The following ACTL6A variants were observed in gnomAD, a reference collection of about 807,000 sequenced individuals.
ACTL6A encodes actin-like protein 6A.
In ACTL6A, 5 loss-of-function variants were observed where a neutral mutation model predicts 59.2. The observed-to-expected ratio is 0.08, with a 90% CI of 0.04 to 0.18. The LOEUF (loss-of-function observed/expected upper bound fraction) is 0.18, where lower values mean the gene tolerates loss of function less well. Among genes scored for constraint, ACTL6A ranks in the 10% least tolerant of loss-of-function variants. The pLI, the probability that ACTL6A is intolerant of heterozygous loss-of-function variation, is 1.00. For synonymous variants in ACTL6A, 154 were observed against 171.8 expected (o/e 0.90, Z 0.81); for missense variants, 285 against 526.9 (o/e 0.54, Z 4.49).
intron 1 of ACTL6A, among the ~76,000 whole-genome samples, chr3:179,566,541 T>G (rs1717839117): frequency 2.0e-5 from 3 of 152,208 alleles, no homozygotes; most frequent in Admixed American, 2.0e-4. Context: ...TTCTCACAAT[T>G]CTAGAGGATA....
chr3:179,581,201 G>C lies in ACTL6A; in HGVS notation c.1007G>C (p.Cys336Ser), dbSNP rs1167098912. The change falls in exon 11 of 14, where the codon TGT becomes TCT. Residue 336 changes from cysteine (C) to serine (S), a missense_variant. Physicochemically the swap from Cys to Ser is moderately radical, Grantham distance 112 (BLOSUM62 -1). Transcript: ENST00000429709. ...SHVVTTSVGM[C>S]DIDIRPGLYG... ...GTTGTCACCACAAGTGTTGGGATGT[G>C]TGATATTGACATCAGACCAGTAAGT... The C allele has an allele frequency of 1.2e-6, 2 of 1,613,504 alleles. No individual in the cohort carries two copies. The highest frequency in any genetic ancestry group is 1.7e-5 in the Admixed American group (1 of 60,030).
At chr3:179,566,721 G>T (rs1002358646) in intron 1 of ACTL6A, among the ~76,000 whole-genome samples, 1 of 152,070 alleles carries the variant, frequency 6.6e-6, no homozygotes, top group Non-Finnish European at 1.5e-5. Context: ...ACTGAGACTT[G>T]CTCTGTCACC....
At chr3:179,578,406 A>G (rs1044751237) in intron 8 of ACTL6A, among the ~76,000 whole-genome samples, 1 of 152,168 alleles carries the variant, frequency 6.6e-6, no homozygotes, top group Non-Finnish European at 1.5e-5. Flanking sequence ...GTGAGCCAAC[A>G]CGGTGCCACT....
chr3:179,587,914 T>G lies in ACTL6A; in HGVS notation c.1210-16T>G. 6.3e-7 allele frequency: 1 copy of G among 1,582,914 alleles called. No homozygotes were observed. The highest frequency in any genetic ancestry group is 1.2e-5 in the South Asian group (1 of 84,594). On this transcript the variant is annotated splice_polypyrimidine_tract_variant and intron_variant, in intron 13 of 13. Coordinates refer to ENST00000429709, the MANE Select transcript of ACTL6A (RefSeq NM_004301.5). ...GAAGTAAGGCATAATTATATAAATT[T>G]CTTTCCATTTTACAGGGTACCTTTC...
chr3:179,581,072 A>T, intron 10 of ACTL6A, 64 bp downstream of exon 10: 11 of 1,600,916 alleles, frequency 6.9e-6, no homozygotes, highest in Non-Finnish European at 9.4e-6. Flanking sequence ...TTTTGTGGCT[A>T]AAATGTTTTG....
chr3:179,577,479 AAAAAAAAAAC>A (rs1392232824), intron 8 of ACTL6A, among the ~76,000 whole-genome samples: 1 of 145,962 alleles, frequency 6.9e-6, no homozygotes, highest in African/African-American at 2.6e-5. Flanking sequence ...TTAATTTCTT[AAAAAAAAAAC>A]AAAAAAAAAC....
chr3:179,573,271 A>G (rs895532282), intron 3 of ACTL6A, 98 bp from the exon 4 acceptor site: 1 of 729,634 alleles, frequency 1.4e-6, no homozygotes, highest in Non-Finnish European at 2.2e-6. Context: ...TCTGTATACT[A>G]AAGTATTAAT....
chr3:179,575,414 A>G (rs1249100184), intron 5 of ACTL6A: 4 of 456,676 alleles, frequency 8.8e-6, no homozygotes, highest in Non-Finnish European at 1.3e-5. Flanking sequence ...TTTATTCATC[A>G]TCTACTTCAC....
intron 1 of ACTL6A, among the ~76,000 whole-genome samples, chr3:179,563,745 G>A (rs1219289363): frequency 6.6e-6 from 1 of 152,164 alleles, no homozygotes; most frequent in African/African-American, 2.4e-5. Flanking sequence ...CTCGTGGGCG[G>A]GTCTGTTTGA....
At chr3:179,585,910 G>A (rs1268637131) in intron 12 of ACTL6A, among the ~76,000 whole-genome samples, 1 of 152,200 alleles carries the variant, frequency 6.6e-6, no homozygotes, top group East Asian at 1.9e-4. Flanking sequence ...ATATCTGATG[G>A]TTGTGTTTTT....
intron 12 of ACTL6A, among the ~76,000 whole-genome samples, chr3:179,586,033 A>C (rs1718478341): frequency 1.3e-5 from 2 of 152,166 alleles, no homozygotes; most frequent in Admixed American, 6.5e-5. Flanking sequence ...TTGGGATGAT[A>C]ATTAGGTTGG....
chr3:179,562,999 G>T lies in ACTL6A; in HGVS notation c.-94G>T. 1 of 1,526,168 alleles carries T rather than the reference G, an allele frequency of 6.6e-7. No individual in the cohort carries two copies. The highest frequency in any genetic ancestry group is 8.9e-7 in the Non-Finnish European group (1 of 1,125,296). The allele number at this position is 1,526,168 out of a possible 1,614,324, so 94.5% of individuals were successfully genotyped here. ...GTGGGTGGCGGTGGAAGTTAAGGGAGTCAGGGGCTATCGCTCCTCGAGACT... is the reference window on the plus strand; with the variant it reads ...GTGGGTGGCGGTGGAAGTTAAGGGATTCAGGGGCTATCGCTCCTCGAGACT... On this transcript the variant is annotated 5_prime_UTR_variant, in exon 1 of 14. Transcript: ENST00000429709.
At chr3:179,571,902 C>T (rs1001168828) in intron 3 of ACTL6A, among the ~76,000 whole-genome samples, 1 of 152,186 alleles carries the variant, frequency 6.6e-6, no homozygotes. Context: ...ACATAGGGAA[C>T]TGTTTGCCAG....
intron 1 of ACTL6A, among the ~76,000 whole-genome samples, chr3:179,568,506 C>T (rs561786403): frequency 6.6e-6 from 1 of 151,658 alleles, no homozygotes; most frequent in African/African-American, 2.4e-5. Context: ...ATGTAACATT[C>T]CCAGACCCCA....
intron 1 of ACTL6A, 116 bp downstream of exon 1, chr3:179,563,233 C>T (rs1717720996): frequency 6.8e-6 from 10 of 1,460,912 alleles, no homozygotes; most frequent in Non-Finnish European, 8.2e-6. Flanking sequence ...TCTCGGGACC[C>T]CGGCCTCCCC....
At chr3:179,563,657 C>G (rs1025864855) in intron 1 of ACTL6A, among the ~76,000 whole-genome samples, 2 of 152,238 alleles carry the variant, frequency 1.3e-5, no homozygotes, top group Admixed American at 6.5e-5. Flanking sequence ...GCCTCCTCCC[C>G]GTCTGCGCCC....
intron 1 of ACTL6A, among the ~76,000 whole-genome samples, chr3:179,566,752 C>T (rs13320255): frequency 0.016 from 2,389 of 152,202 alleles, 63 homozygotes; most frequent in African/African-American, 0.054. Flanking sequence ...TGCAGTAGCA[C>T]GATCTCAGCT....
intron 1 of ACTL6A, among the ~76,000 whole-genome samples, chr3:179,565,564 T>G (rs1317435906): frequency 6.7e-6 from 1 of 148,292 alleles, no homozygotes; most frequent in African/African-American, 2.5e-5. Context: ...TTCCGTGTGG[T>G]GGAGTCAAGG....
chr3:179,582,816 T>C (rs751259384), intron 11 of ACTL6A, among the ~76,000 whole-genome samples: 5 of 152,258 alleles, frequency 3.3e-5, no homozygotes, highest in African/African-American at 4.8e-5. Flanking sequence ...AATGTACTTC[T>C]AATTAAATAT....
Sources: gnomAD v4.1 joint callset for allele counts (sites outside exome capture counted in the v4.1 genomes callset) on GRCh38, gnomAD v4.1.1 for gene constraint, MANE v1.5 for transcripts, NCBI Gene and HGNC (gene_info 2026-07-23, HGNC 2026-07-21) for gene names.